Variants in MAGI1 observed in about 807,000 individuals in gnomAD.
The protein encoded by MAGI1 is membrane associated guanylate kinase, WW and PDZ domain containing 1, also known as membrane-associated guanylate kinase, WW and PDZ domain-containing protein 1.
In MAGI1, 58 loss-of-function variants were observed where a neutral mutation model predicts 139.9. The observed-to-expected ratio is 0.41, with a 90% CI of 0.34 to 0.52. MAGI1 has a LOEUF of 0.52. MAGI1 is among the 20% of genes least tolerant of loss of function. The pLI is 0.12. For synonymous variants in MAGI1, 812 were observed against 737.9 expected, an observed-to-expected ratio of 1.10 and a Z score of -1.63; for missense variants, 1,874 against 1,901.6, an observed-to-expected ratio of 0.99 and a Z score of 0.27.
At chr3:65,401,120 T>C (rs1046075706) in intron 13 of MAGI1, among the ~76,000 whole-genome samples, 2 of 152,162 alleles carry the variant, frequency 1.3e-5, no homozygotes, top group African/African-American at 4.8e-5. Context: ...AGCATTTGTA[T>C]CAAGTGAAAA....
intron 1 of MAGI1, among the ~76,000 whole-genome samples, chr3:65,722,392 C>T (rs2033138615): frequency 2.0e-5 from 3 of 151,760 alleles, no homozygotes; most frequent in African/African-American, 2.4e-5. Flanking sequence ...CTCTGAGAGG[C>T]GGAAGCAGGG....
At chr3:65,508,784 T>C (rs1240617448) in intron 2 of MAGI1, among the ~76,000 whole-genome samples, 3 of 152,208 alleles carry the variant, frequency 2.0e-5, no homozygotes, top group Non-Finnish European at 4.4e-5. Context: ...GGGAGTTTTG[T>C]TTTTGTTGTG....
intron 1 of MAGI1, among the ~76,000 whole-genome samples, chr3:65,630,783 C>A (rs1485721583): frequency 6.6e-6 from 1 of 152,118 alleles, no homozygotes; most frequent in Non-Finnish European, 1.5e-5. Flanking sequence ...GTGACATGTG[C>A]ACTCAAATCT....
intron 4 of MAGI1, among the ~76,000 whole-genome samples, chr3:65,474,734 T>C (rs1336942877): frequency 6.6e-6 from 1 of 152,164 alleles, no homozygotes; most frequent in Non-Finnish European, 1.5e-5. Flanking sequence ...TACATGCTTT[T>C]AGGTTTATGT....
At chr3:65,755,244 G>A (rs930939364) in intron 1 of MAGI1, among the ~76,000 whole-genome samples, 2 of 151,960 alleles carry the variant, frequency 1.3e-5, no homozygotes, top group African/African-American at 2.4e-5. Context: ...CACCGCGCTC[G>A]GCCACAAATA....
At chr3:65,359,783 T>C (rs1940613387) in intron 22 of MAGI1, 4 of 985,606 alleles carry the variant, frequency 4.1e-6, no homozygotes, top group South Asian at 4.7e-5. Context: ...CAAAGAACAT[T>C]TGTTAGTGTT....
intron 2 of MAGI1, among the ~76,000 whole-genome samples, chr3:65,509,779 G>A (rs2077485815): frequency 6.6e-6 from 1 of 152,014 alleles, no homozygotes; most frequent in South Asian, 2.1e-4. Context: ...CAGCTGGGAA[G>A]CTCGAACTGG....
At chr3:65,783,483 A>C (rs2039102010) in intron 1 of MAGI1, among the ~76,000 whole-genome samples, 1 of 147,180 alleles carries the variant, frequency 6.8e-6, no homozygotes, top group African/African-American at 2.4e-5. Context: ...CTCTGTCTCC[A>C]GAAAGAAAAA....
chr3:65,674,583 T>C lies in MAGI1; in HGVS notation c.314-52495A>G, dbSNP rs533812629. Among the ~76,000 whole-genome samples, 3 of 152,300 alleles carry C rather than the reference T, an allele frequency of 2.0e-5. No individual in the cohort carries two copies. The East Asian group carries it at 5.8e-4, about 29-fold the overall frequency. On this transcript the variant is annotated intron_variant, in intron 1 of 22. Transcript: ENST00000402939. ...AGCAGCAGTTAATTCCAAGGCTTTATGTTCTCAGACAGTTTCAACACTGCC... is the reference window on the plus strand; with the variant it reads ...AGCAGCAGTTAATTCCAAGGCTTTACGTTCTCAGACAGTTTCAACACTGCC...
chr3:65,659,652 C>G (rs1047145963), intron 1 of MAGI1, among the ~76,000 whole-genome samples: 8 of 152,256 alleles, frequency 5.3e-5, no homozygotes, highest in Non-Finnish European at 1.0e-4. Flanking sequence ...TGAGTAAACC[C>G]GTACTCCCCT....
chr3:65,583,852 T>C (rs938290892), intron 2 of MAGI1, among the ~76,000 whole-genome samples: 1 of 152,132 alleles, frequency 6.6e-6, no homozygotes, highest in African/African-American at 2.4e-5. Context: ...AAATCTATAC[T>C]AAGAAAAGCT....
chr3:65,639,326 T>C (rs1288244020), intron 1 of MAGI1, among the ~76,000 whole-genome samples: 2 of 152,182 alleles, frequency 1.3e-5, no homozygotes, highest in East Asian at 3.8e-4. Flanking sequence ...TGAAATGAAG[T>C]CTAATTTATC....
rs370498690 is a variant in MAGI1, at chr3:65,779,645, A to G, written c.314-157557T>C. ...CCCAGAAAAACTCAACTAAAGATTT[A>G]TAAGTCTACTTAGATGAAAAGTTCT... On this transcript the variant is annotated intron_variant, in intron 1 of 22. Coordinates refer to ENST00000402939, the MANE Select transcript of MAGI1 (RefSeq NM_001033057.2). Among the ~76,000 whole-genome samples the G allele has an allele frequency of 3.0e-4, 46 of 152,372 alleles. 1 individual carries two copies. In the East Asian group the frequency reaches 7.1e-3, roughly 24 times the overall value.
At chr3:65,884,519 T>TG (rs2060457489) in intron 1 of MAGI1, among the ~76,000 whole-genome samples, 2 of 152,230 alleles carry the variant, frequency 1.3e-5, no homozygotes, top group African/African-American at 4.8e-5. Context: ...ACAACTTGAA[T>TG]CCATTTTCTA....
intron 2 of MAGI1, among the ~76,000 whole-genome samples, chr3:65,616,360 G>A (rs773222201): frequency 6.6e-6 from 1 of 152,144 alleles, no homozygotes; most frequent in Non-Finnish European, 1.5e-5. Flanking sequence ...CAAGATAAAT[G>A]TTGTTTACAT....
chr3:65,364,649 G>A lies in MAGI1; in HGVS notation c.3351+16C>T. The stretch of plus-strand genomic sequence containing the variant: ...AAACGTGCAAAGTATAGAGAAAAAA[G>A]AGACATGGTGCTCACCTGTGTTGCT... On this transcript the variant is annotated intron_variant, in intron 20 of 22. Coordinates refer to ENST00000402939, the MANE Select transcript of MAGI1 (RefSeq NM_001033057.2). 3.1e-6 allele frequency: 5 copies of A among 1,611,508 alleles called. No individual in the cohort carries two copies. In the East Asian group the frequency reaches 8.9e-5, roughly 29 times the overall value.
chr3:66,020,623 C>T (rs1339528163), intron 1 of MAGI1, among the ~76,000 whole-genome samples: 2 of 152,178 alleles, frequency 1.3e-5, no homozygotes, highest in Non-Finnish European at 2.9e-5. Flanking sequence ...AAGCTCCATC[C>T]TTCTGAAATT....
At chr3:65,718,950 T>C (rs1021742223) in intron 1 of MAGI1, among the ~76,000 whole-genome samples, 1 of 146,128 alleles carries the variant, frequency 6.8e-6, no homozygotes, top group Non-Finnish European at 1.5e-5. Flanking sequence ...TCCTGCCCTC[T>C]CTCTGCTCCT....
intron 2 of MAGI1, among the ~76,000 whole-genome samples, chr3:65,505,656 A>AATAATAATC (rs1553655773): frequency 1.3e-5 from 2 of 149,572 alleles, no homozygotes; most frequent in African/African-American, 2.4e-5. Context: ...TAATAATAAT[A>AATAATAATC]ATAATAATAA....
Sources: gnomAD v4.1 joint callset for allele counts (sites outside exome capture counted in the v4.1 genomes callset) on GRCh38, gnomAD v4.1.1 for gene constraint, MANE v1.5 for transcripts, NCBI Gene and HGNC (gene_info 2026-07-23, HGNC 2026-07-21) for gene names.